Variants in AIG1 observed in about 807,000 individuals in gnomAD.
The protein encoded by AIG1 is androgen-induced gene 1 protein.
A neutral mutation model predicts 31.4 loss-of-function variants in AIG1; 23 were observed. That is an observed-to-expected ratio of 0.73 (90% CI 0.53 to 1.04). The LOEUF (loss-of-function observed/expected upper bound fraction) is 1.04. Among genes scored for constraint, AIG1 ranks in the 50% least tolerant of loss-of-function variants. The pLI is 0.00. For synonymous variants in AIG1, 100 were observed against 110.5 expected (o/e 0.90, Z 0.60); for missense variants, 274 against 295.0 (o/e 0.93, Z 0.52).
intron 3 of AIG1, among the ~76,000 whole-genome samples, chr6:143,203,141 A>C (rs546216220): frequency 1.3e-5 from 2 of 152,188 alleles, no homozygotes; most frequent in Admixed American, 6.5e-5. Context: ...CTCTAATTTG[A>C]TCATGTTTAA....
intron 3 of AIG1, among the ~76,000 whole-genome samples, chr6:143,175,631 A>AG (rs1788070461): frequency 1.3e-5 from 2 of 152,060 alleles, no homozygotes; most frequent in South Asian, 4.1e-4. Context: ...GCATTTCTCT[A>AG]AGTGTGATTT....
At chr6:143,125,090 T>A (rs962269885) in intron 1 of AIG1, among the ~76,000 whole-genome samples, 13 of 152,228 alleles carry the variant, frequency 8.5e-5, no homozygotes, top group Admixed American at 3.3e-4. Context: ...ATCTAGCTCT[T>A]TAATGATATT....
intron 1 of AIG1, among the ~76,000 whole-genome samples, chr6:143,090,864 C>T (rs1360045529): frequency 2.0e-5 from 3 of 152,100 alleles, no homozygotes; most frequent in African/African-American, 7.2e-5. Context: ...ATTGACTTGT[C>T]CTTTCATGAA....
At chr6:143,184,482 T>G (rs1789040530) in intron 3 of AIG1, among the ~76,000 whole-genome samples, 1 of 152,162 alleles carries the variant, frequency 6.6e-6, no homozygotes, top group Admixed American at 6.5e-5. Context: ...CTCCTTTAAA[T>G]CTTGTTATTT....
chr6:143,187,933 G>A, intron 3 of AIG1: 3 of 1,287,426 alleles, frequency 2.3e-6, no homozygotes, highest in Non-Finnish European at 3.0e-6. Context: ...ACCTCCATAA[G>A]GAATGATACT....
chr6:143,091,312 ATATTCT>A (rs1254875550), intron 1 of AIG1, among the ~76,000 whole-genome samples: 7 of 152,202 alleles, frequency 4.6e-5, no homozygotes, highest in Non-Finnish European at 1.0e-4. Flanking sequence ...TAAATTACAA[ATATTCT>A]TAATAGCTTG....
At chr6:143,230,826 A>C (rs1793390096) in intron 3 of AIG1, among the ~76,000 whole-genome samples, 1 of 152,206 alleles carries the variant, frequency 6.6e-6, no homozygotes, top group South Asian at 2.1e-4. Context: ...ACTATTAATC[A>C]ACAGAGGAAA....
rs75445558 is a variant in AIG1 at position 143,152,654 on chromosome 6, G to A, written c.298-12428G>A. Among the ~76,000 whole-genome samples the A allele has an allele frequency of 6.7e-3, 1,020 of 152,242 alleles. 4 individuals carry two copies. Among genetic ancestry groups the A allele is most frequent in the Middle Eastern group, 0.014 (4 of 294 alleles). Reference sequence around the variant, plus strand: ...TCTAACTCTGGGCCCATAACAGGAGGGTTAGTTATTAGAATGGTAAAATGT... The same window carrying A: ...TCTAACTCTGGGCCCATAACAGGAGAGTTAGTTATTAGAATGGTAAAATGT... On this transcript the variant is annotated intron_variant, in intron 2 of 5. Coordinates refer to ENST00000357847, the MANE Select transcript of AIG1 (RefSeq NM_016108.4).
intron 3 of AIG1, among the ~76,000 whole-genome samples, chr6:143,203,085 G>A (rs1451109876): frequency 2.0e-5 from 3 of 152,146 alleles, no homozygotes; most frequent in Non-Finnish European, 4.4e-5. Context: ...ATACATATGG[G>A]CCTTCTTAGA....
intron 3 of AIG1, among the ~76,000 whole-genome samples, chr6:143,236,813 T>A (rs374091274): frequency 3.2e-4 from 49 of 152,316 alleles, no homozygotes; most frequent in African/African-American, 1.1e-3. Flanking sequence ...CTAAACCACA[T>A]GTATAAAAGA....
At chr6:143,087,827 G>T (rs1163475212) in intron 1 of AIG1, among the ~76,000 whole-genome samples, 1 of 152,118 alleles carries the variant, frequency 6.6e-6, no homozygotes, top group Non-Finnish European at 1.5e-5. Flanking sequence ...CTATATTCTC[G>T]CTATAGAATG....
chr6:143,117,894 A>G (rs1300806725), intron 1 of AIG1, among the ~76,000 whole-genome samples: 1 of 152,208 alleles, frequency 6.6e-6, no homozygotes, highest in African/African-American at 2.4e-5. Context: ...GTGTTTGTTT[A>G]CTAAATGCTG....
chr6:143,170,272 T>A (rs1787366751), intron 3 of AIG1, among the ~76,000 whole-genome samples: 1 of 152,140 alleles, frequency 6.6e-6, no homozygotes, highest in African/African-American at 2.4e-5. Context: ...TTGCTTGTTA[T>A]TGGTCTATTC....
rs56406616 is a variant in AIG1, at chr6:143,296,657, C to T, written c.515+12432C>T. The stretch of plus-strand genomic sequence containing the variant: ...GTAAACAATTCAGATGAAGAGTTAT[C>T]TGTGCCAGAGATGAGCTTATACCCC... On this transcript the variant is annotated intron_variant, in intron 4 of 5. Transcript: ENST00000357847. Among the ~76,000 whole-genome samples, 685 of 152,302 alleles carry T rather than the reference C, an allele frequency of 4.5e-3. 2 individuals are homozygous for T. Among genetic ancestry groups the T allele is most frequent in the African/African-American group, 0.016 (645 of 41,560 alleles).
intron 3 of AIG1, among the ~76,000 whole-genome samples, chr6:143,211,262 G>C (rs1294398308): frequency 6.6e-6 from 1 of 152,110 alleles, no homozygotes; most frequent in African/African-American, 2.4e-5. Context: ...ACACTGGTGG[G>C]CTCTGAGATA....
Position 143,189,664 on chromosome 6 carries a change from A to G in AIG1, c.399+24481A>G, listed in dbSNP as rs1789607121. The G allele has an allele frequency of 3.0e-6, 3 of 985,262 alleles. No homozygotes were observed. In the African/African-American group the frequency reaches 5.2e-5, roughly 17 times the overall value. The allele number at this position is 985,262 out of a possible 1,614,324, so 61.0% of individuals were successfully genotyped here. ...TTAAAGTTGATTTGCTTTAAATTGC[A>G]GTATCATCCTTTTTTTCTGTACCTA... On this transcript the variant is annotated intron_variant, in intron 3 of 5. Coordinates refer to ENST00000357847, the MANE Select transcript of AIG1 (RefSeq NM_016108.4).
intron 1 of AIG1, among the ~76,000 whole-genome samples, chr6:143,067,526 T>G (rs967852936): frequency 1.3e-5 from 2 of 152,200 alleles, no homozygotes; most frequent in African/African-American, 4.8e-5. Flanking sequence ...GCTGAGAATT[T>G]TTGACATTTA....
chr6:143,309,182 A>G (rs1775061427), intron 4 of AIG1, among the ~76,000 whole-genome samples: 1 of 152,096 alleles, frequency 6.6e-6, no homozygotes, highest in South Asian at 2.1e-4. Flanking sequence ...TTCTATATCT[A>G]GGGAAATTAT....
chr6:143,066,957 C>T (rs1453975154), intron 1 of AIG1, among the ~76,000 whole-genome samples: 1 of 152,108 alleles, frequency 6.6e-6, no homozygotes, highest in East Asian at 1.9e-4. Context: ...CTTGCTTAAA[C>T]CCAGGAGTTC....
Sources: gnomAD v4.1 joint callset for allele counts (sites outside exome capture counted in the v4.1 genomes callset) on GRCh38, gnomAD v4.1.1 for gene constraint, MANE v1.5 for transcripts, NCBI Gene and HGNC (gene_info 2026-07-23, HGNC 2026-07-21) for gene names.